ACTG2: variants seen among roughly 807,000 people sequenced by gnomAD.
ACTG2 encodes actin gamma 2, smooth muscle.
ACTG2 carries 16 observed loss-of-function variants against 37.6 expected under a neutral mutation model. That is an observed-to-expected ratio of 0.43 (90% CI 0.29 to 0.65). ACTG2 has a LOEUF of 0.65. Among genes scored for constraint, ACTG2 ranks in the 30% least tolerant of loss-of-function variants. The pLI, the probability that ACTG2 is intolerant of heterozygous loss-of-function variation, is 0.18. For missense variants in ACTG2, 238 were observed against 490.9 expected, an observed-to-expected ratio of 0.48 and a Z score of 4.87; for synonymous variants, 181 against 179.9, an observed-to-expected ratio of 1.01 and a Z score of -0.05.
chr2:73,901,219 G>T (rs1679863748), intron 1 of ACTG2, 57 bp from the exon 2 acceptor site: 1 of 1,375,684 alleles, frequency 7.3e-7, no homozygotes, highest in East Asian at 2.6e-5. Flanking sequence ...CCAAGAAACT[G>T]TCTCCAAACT....
intron 8 of ACTG2, among the ~76,000 whole-genome samples, chr2:73,917,886 AC>A (rs1680302299): frequency 6.6e-6 from 1 of 152,128 alleles, no homozygotes; most frequent in African/African-American, 2.4e-5. Context: ...TTTTACCAGG[AC>A]TGTGTGTCAG....
chr2:73,909,195 TG>T (rs1680076778), intron 5 of ACTG2, 56 bp downstream of exon 5: 1 of 1,505,502 alleles, frequency 6.6e-7, no homozygotes, highest in African/African-American at 1.4e-5. Flanking sequence ...AGGGAAAAGC[TG>T]GGGTCTGGCA....
rs1050146 is a variant in ACTG2, at chr2:73,901,306, C to T, written c.-6C>T. On this transcript the variant is annotated 5_prime_UTR_variant, in exon 2 of 9. Transcript: ENST00000345517. ...CCAGTCCCCAGCTCACTCAGCCACA[C>T]ACACCATGTGTGAAGAGGAGACCAC... is the stretch of plus-strand genomic sequence containing the variant. 1,232,984 of 1,591,700 alleles carry T rather than the reference C, an allele frequency of 0.77. 480,554 individuals are homozygous for T. Among genetic ancestry groups the T allele is most frequent in the Admixed American group, 0.87 (50,799 of 58,544 alleles).
intron 8 of ACTG2, among the ~76,000 whole-genome samples, chr2:73,918,049 T>C (rs1173685609): frequency 6.6e-6 from 1 of 152,224 alleles, no homozygotes; most frequent in Non-Finnish European, 1.5e-5. Flanking sequence ...CCAGCCTTCA[T>C]GGAGTTTAGG....
intron 1 of ACTG2, among the ~76,000 whole-genome samples, chr2:73,900,032 T>C (rs1679843411): frequency 6.6e-6 from 1 of 152,194 alleles, no homozygotes; most frequent in Admixed American, 6.5e-5. Flanking sequence ...TGCTTCAGTA[T>C]GGTCTTCTCT....
chr2:73,900,658 T>C (rs1288346622), intron 1 of ACTG2, among the ~76,000 whole-genome samples: 1 of 152,192 alleles, frequency 6.6e-6, no homozygotes, highest in Non-Finnish European at 1.5e-5. Context: ...CACTGCCTAT[T>C]TTTTCCTAGT....
intron 2 of ACTG2, 106 bp from the exon 3 acceptor site, chr2:73,902,254 G>A (rs1679907829): frequency 2.2e-6 from 3 of 1,346,816 alleles, no homozygotes; most frequent in Non-Finnish European, 3.1e-6. Flanking sequence ...GGGAAGAAAG[G>A]CTGTTTTTCC....
At chr2:73,902,018 C>CGTGTGTGT (rs71245662) in intron 2 of ACTG2, among the ~76,000 whole-genome samples, 65,421 of 146,070 alleles carry the variant, frequency 0.45, 15,666 homozygotes, top group Admixed American at 0.58. Flanking sequence ...GCATACAAGT[C>CGTGTGTGT]GTGTGTGTGT....
At chr2:73,893,448 A>C (rs1286244795) in intron 1 of ACTG2, among the ~76,000 whole-genome samples, 1 of 152,182 alleles carries the variant, frequency 6.6e-6, no homozygotes, top group African/African-American at 2.4e-5. Flanking sequence ...AGAATACTTG[A>C]GTCAAAGCCA....
chr2:73,896,526 A>G (rs930512454), intron 1 of ACTG2, among the ~76,000 whole-genome samples: 1 of 152,066 alleles, frequency 6.6e-6, no homozygotes, highest in Admixed American at 6.6e-5. Flanking sequence ...CAGGGAAGGA[A>G]GGGACTGGGC....
chr2:73,903,738 G>C (rs561647259), intron 3 of ACTG2, among the ~76,000 whole-genome samples: 1 of 152,044 alleles, frequency 6.6e-6, no homozygotes, highest in Admixed American at 6.6e-5. Context: ...TCAGGAGCTT[G>C]AGACCAACCT....
intron 5 of ACTG2, among the ~76,000 whole-genome samples, chr2:73,909,992 A>G (rs942271042): frequency 2.0e-5 from 3 of 152,164 alleles, no homozygotes; most frequent in Non-Finnish European, 2.9e-5. Flanking sequence ...AGGTGGGCGG[A>G]TCACCTGAGG....
At chr2:73,913,450 G>C in intron 5 of ACTG2, 35 bp from the exon 6 acceptor site, 1 of 1,535,052 alleles carries the variant, frequency 6.5e-7, no homozygotes, top group Non-Finnish European at 8.8e-7. Context: ...AGGCAAGAAT[G>C]AGAATTTTAT....
chr2:73,912,032 T>C (rs988785128), intron 5 of ACTG2, among the ~76,000 whole-genome samples: 2 of 152,272 alleles, frequency 1.3e-5, no homozygotes, highest in South Asian at 4.1e-4. Flanking sequence ...TTTGTCATTA[T>C]GGAGCTAACA....
intron 1 of ACTG2, chr2:73,897,062 ACTGCCTTCCCC>A (rs949218693): frequency 2.6e-5 from 4 of 152,302 alleles, no homozygotes; most frequent in Non-Finnish European, 5.9e-5. Context: ...CAGCCCTCCC[ACTGCCTTCCCC>A]CTGCCTTCCC....
At chr2:73,906,860 A>T (rs1403150433) in intron 3 of ACTG2, among the ~76,000 whole-genome samples, 8 of 152,234 alleles carry the variant, frequency 5.3e-5, no homozygotes, top group African/African-American at 1.4e-4. Flanking sequence ...AACCAAAATC[A>T]AGTGCAGATG....
rs534471099 is a variant in ACTG2, at chr2:73,901,399, G to T, written c.88G>T (p.Ala30Ser). 7 of 1,614,188 alleles carry T rather than the reference G, an allele frequency of 4.3e-6. No individual in the cohort carries two copies. The South Asian group carries it at 6.6e-5, about 15-fold the overall frequency. ...CTTCGCAGGAGATGATGCCCCCCGGGCTGTCTTCCCCTCCATTGTGGGCCG... is the reference window on the plus strand; with the variant it reads ...CTTCGCAGGAGATGATGCCCCCCGGTCTGTCTTCCCCTCCATTGTGGGCCG... ...AGFAGDDAPR[A>S]VFPSIVGRPR... The change falls in exon 2 of 9, where the codon GCT (alanine) becomes TCT (serine). Residue 30 changes from alanine (A) to serine (S), a missense_variant. Physicochemically the swap from Ala to Ser is moderately conservative, Grantham distance 99 (BLOSUM62 1). Transcript: ENST00000345517.
rs376607230 is a variant in ACTG2, at chr2:73,909,157, C to A, written c.451+18C>A. On this transcript the variant is annotated intron_variant, in intron 5 of 8. Transcript: ENST00000345517. ...CACGACAGGTGAGTAATCCTGTAAT[C>A]CATTCCTTTTCTGACTTCAGGGGAG... is the stretch of plus-strand genomic sequence containing the variant. 6.2e-6 allele frequency: 10 copies of A among 1,601,372 alleles called. No homozygotes were observed. The highest frequency in any genetic ancestry group is 1.6e-4 in the Middle Eastern group (1 of 6,068).
At chr2:73,916,970 C>T (rs1257233835) in intron 8 of ACTG2, among the ~76,000 whole-genome samples, 1 of 152,160 alleles carries the variant, frequency 6.6e-6, no homozygotes, top group Non-Finnish European at 1.5e-5. Flanking sequence ...GGATCTCAAA[C>T]ATAATCCCAG....
Sources: allele counts gnomAD v4.1 joint callset (sites outside exome capture counted in the v4.1 genomes callset), GRCh38; gene constraint gnomAD v4.1.1; transcripts MANE v1.5; gene names NCBI Gene and HGNC (gene_info 2026-07-23, HGNC 2026-07-21).